The following UTS2B variants were observed in gnomAD, a reference collection of about 807,000 sequenced individuals.
UTS2B encodes the protein urotensin 2B.
Under a neutral mutation model 19.2 loss-of-function variants are expected in UTS2B, and 21 were observed. The observed-to-expected ratio is 1.09, with a 90% CI of 0.78 to 1.58. The LOEUF (loss-of-function observed/expected upper bound fraction) is 1.58. UTS2B is among the 40% of genes most tolerant of loss of function. UTS2B has a pLI of 0.00. For missense variants in UTS2B, 138 were observed against 130.3 expected (o/e 1.06, Z -0.29); for synonymous variants, 57 against 50.2 (o/e 1.14, Z -0.58).
chr3:191,316,935 G>A (rs1352960318), intron 2 of UTS2B, among the ~76,000 whole-genome samples: 2 of 151,546 alleles, frequency 1.3e-5, no homozygotes, highest in Non-Finnish European at 2.9e-5. Flanking sequence ...CGACTCAGGA[G>A]CCCAGCTGGC....
chr3:191,275,463 G>C (rs913203423), intron 7 of UTS2B, 118 bp from the exon 8 acceptor site: 6 of 698,776 alleles, frequency 8.6e-6, no homozygotes, highest in South Asian at 8.3e-5. Context: ...GGCAGGTCAC[G>C]AGGTCAGGCG....
chr3:191,273,522 T>C (rs1330945652), intron 8 of UTS2B: 1 of 456,716 alleles, frequency 2.2e-6, no homozygotes, highest in South Asian at 1.5e-5. Context: ...GTTTTGGCAA[T>C]GTTGGAGGCA....
At chr3:191,296,991 T>TAAACTGTA in intron 4 of UTS2B, among the ~76,000 whole-genome samples, 1 of 152,292 alleles carries the variant, frequency 6.6e-6, no homozygotes, top group East Asian at 1.9e-4. Flanking sequence ...GAACAGGCAA[T>TAAACTGTA]AAACTGTAAT....
At chr3:191,324,353 A>G (rs578029797) in intron 2 of UTS2B, among the ~76,000 whole-genome samples, 9 of 152,208 alleles carry the variant, frequency 5.9e-5, no homozygotes, top group Non-Finnish European at 1.3e-4. Context: ...CTGAAAATAG[A>G]GTAAGACAGA....
chr3:191,319,440 A>T (rs2108611377), intron 2 of UTS2B, among the ~76,000 whole-genome samples: 1 of 152,342 alleles, frequency 6.6e-6, no homozygotes, highest in African/African-American at 2.4e-5. Context: ...TGGTATAGCA[A>T]ATGTCCCTCA....
chr3:191,276,677 C>T (rs576563107), intron 7 of UTS2B, 130 bp downstream of exon 7: 24 of 717,824 alleles, frequency 3.3e-5, no homozygotes, highest in East Asian at 9.0e-5. Context: ...AACAGCTTCA[C>T]GCTTTGTTTA....
chr3:191,334,224 A>G (rs1190955339), upstream of UTS2B, among the ~76,000 whole-genome samples: 1 of 152,188 alleles, frequency 6.6e-6, no homozygotes, highest in Non-Finnish European at 1.5e-5. Flanking sequence ...TTGCTGTGGT[A>G]TAGAATGCAT....
At chr3:191,301,216 A>G (rs1435064) in intron 4 of UTS2B, among the ~76,000 whole-genome samples, 101,062 of 151,990 alleles carry the variant, frequency 0.66, 33,626 homozygotes, top group Middle Eastern at 0.69. Flanking sequence ...TAGAAAAGAA[A>G]ATTTGTCTCA....
chr3:191,341,172 T>C, the UTS2B span, among the ~76,000 whole-genome samples: 1 of 152,140 alleles, frequency 6.6e-6, no homozygotes, highest in Non-Finnish European at 1.5e-5. Context: ...ACTAGATCTA[T>C]GTTAATCAGT....
chr3:191,317,567 T>TTTGTTGTTGTTGTTGTTGTTG (rs61650426), intron 2 of UTS2B, among the ~76,000 whole-genome samples: 1 of 151,318 alleles, frequency 6.6e-6, no homozygotes, highest in Non-Finnish European at 1.5e-5. Context: ...TAGGATAGTC[T>TTTGTTGTTGTTGTTGTTGTTG]TTGTTGTTGT....
intron 4 of UTS2B, among the ~76,000 whole-genome samples, chr3:191,283,187 T>C (rs1191632050): frequency 2.0e-5 from 3 of 152,196 alleles, no homozygotes; most frequent in Non-Finnish European, 4.4e-5. Context: ...CTAAATTACT[T>C]AGTTTGATAT....
intron 4 of UTS2B, among the ~76,000 whole-genome samples, chr3:191,284,063 A>G (rs2603685): frequency 0.51 from 76,792 of 151,960 alleles, 21,162 homozygotes; most frequent in Middle Eastern, 0.63. Context: ...TAATAAATCT[A>G]ATCAATAATT....
chr3:191,316,933 G>A (rs545730433), intron 2 of UTS2B, among the ~76,000 whole-genome samples: 1 of 151,638 alleles, frequency 6.6e-6, no homozygotes, highest in African/African-American at 2.4e-5. Context: ...CCCGACTCAG[G>A]AGCCCAGCTG....
chr3:191,293,870 G>T (rs570352856), intron 4 of UTS2B, among the ~76,000 whole-genome samples: 1 of 151,856 alleles, frequency 6.6e-6, no homozygotes, highest in Non-Finnish European at 1.5e-5. Context: ...AGCCGGGGGT[G>T]GGGGAGTCGG....
intron 7 of UTS2B, among the ~76,000 whole-genome samples, 172 bp downstream of exon 7, chr3:191,276,635 G>C (rs543094495): frequency 6.6e-6 from 1 of 152,246 alleles, no homozygotes; most frequent in African/African-American, 2.4e-5. Context: ...TTTGTTTTGT[G>C]TTAGTATAAC....
intron 2 of UTS2B, among the ~76,000 whole-genome samples, chr3:191,325,433 T>C (rs1388614741): frequency 6.6e-6 from 1 of 152,158 alleles, no homozygotes; most frequent in African/African-American, 2.4e-5. Flanking sequence ...TGTCCCCAGG[T>C]GACCCCTGAG....
intron 1 of UTS2B, chr3:191,329,543 T>C (rs759694778): frequency 1.2e-6 from 1 of 837,110 alleles, no homozygotes; most frequent in Non-Finnish European, 1.8e-6. Flanking sequence ...CCCGCTCCGT[T>C]CTCCGGCCTG....
chr3:191,309,700 G>A (rs942669364), intron 3 of UTS2B, among the ~76,000 whole-genome samples: 10 of 152,054 alleles, frequency 6.6e-5, no homozygotes, highest in East Asian at 3.9e-4. Flanking sequence ...TGGTAATAGC[G>A]CGTGAGTCAG....
chr3:191,335,056 G>A (rs754137040), upstream of UTS2B, among the ~76,000 whole-genome samples: 4 of 152,112 alleles, frequency 2.6e-5, no homozygotes, highest in South Asian at 2.1e-4. Flanking sequence ...AAAATTAAAC[G>A]TATTGGAGAA....
Sources: allele counts gnomAD v4.1 joint callset (sites outside exome capture counted in the v4.1 genomes callset), GRCh38; gene constraint gnomAD v4.1.1; transcripts MANE v1.5; gene names NCBI Gene and HGNC (gene_info 2026-07-23, HGNC 2026-07-21).